The following PRIM2 variants were observed in gnomAD, a reference collection of about 807,000 sequenced individuals.
PRIM2 encodes DNA primase subunit 2, also known as DNA primase large subunit.
Under a neutral mutation model 67.3 loss-of-function variants are expected in PRIM2, and 39 were observed. The observed-to-expected ratio is 0.58, with a 90% confidence interval of 0.45 to 0.76. The LOEUF is 0.76. PRIM2 is among the 30% of genes least tolerant of loss of function. The pLI, the probability that PRIM2 is intolerant of heterozygous loss-of-function variation, is 0.00. For synonymous variants in PRIM2, 143 were observed against 198.7 expected (o/e 0.72, Z 2.36); for missense variants, 398 against 598.7 (o/e 0.66, Z 3.50).
chr6:57,556,874 T>G lies in PRIM2; in HGVS notation c.1020+19249T>G, dbSNP rs1263145910. On this transcript the variant is annotated intron_variant, in intron 10 of 13. Transcript: ENST00000615550. ...AATGGGAGAAAATATTTGCCAACTGTGCATCTGACAAAGGTCTAATATCCA... is the reference window on the plus strand; with the variant it reads ...AATGGGAGAAAATATTTGCCAACTGGGCATCTGACAAAGGTCTAATATCCA... Among the ~76,000 whole-genome samples, 22 of 151,320 alleles carry G rather than the reference T, an allele frequency of 1.5e-4. No homozygotes were observed. In the East Asian group the frequency reaches 3.9e-3, roughly 27 times the overall value.
chr6:57,477,441 C>T (rs1197650352), intron 7 of PRIM2, among the ~76,000 whole-genome samples: 5 of 152,128 alleles, frequency 3.3e-5, no homozygotes, highest in East Asian at 1.9e-4. Flanking sequence ...CGTCAAATAT[C>T]GTACAATATT....
chr6:57,268,902 C>G, the PRIM2 span, among the ~76,000 whole-genome samples: 1 of 150,198 alleles, frequency 6.7e-6, no homozygotes, highest in Admixed American at 6.7e-5. Context: ...TTTGTCCTTG[C>G]GATAGTTTAC....
upstream of PRIM2, among the ~76,000 whole-genome samples, chr6:57,314,510 C>G (rs1434840525): frequency 6.6e-6 from 1 of 152,166 alleles, no homozygotes; most frequent in South Asian, 2.1e-4. Context: ...AGCGAGACTT[C>G]GTCTCAAAAA....
At chr6:57,516,659 C>T (rs1488073212) in intron 8 of PRIM2, among the ~76,000 whole-genome samples, 1 of 152,104 alleles carries the variant, frequency 6.6e-6, no homozygotes, top group African/African-American at 2.4e-5. Context: ...ATTATAGTGG[C>T]TGAGATGTAC....
At chr6:57,318,231 C>T (rs1767539878) in intron 1 of PRIM2, among the ~76,000 whole-genome samples, 1 of 152,200 alleles carries the variant, frequency 6.6e-6, no homozygotes, top group Non-Finnish European at 1.5e-5. Context: ...CTCCCACCCC[C>T]ATTACAAAAT....
At chr6:57,624,293 A>G (rs1776908263) in intron 12 of PRIM2, among the ~76,000 whole-genome samples, 1 of 151,966 alleles carries the variant, frequency 6.6e-6, no homozygotes, top group African/African-American at 2.4e-5. Context: ...CTTGCTTTCT[A>G]AGTTTACTTA....
chr6:57,250,443 CATAGAT>C, the PRIM2 span, among the ~76,000 whole-genome samples: 2 of 151,940 alleles, frequency 1.3e-5, no homozygotes, highest in East Asian at 3.9e-4. Flanking sequence ...CAAATGCCTA[CATAGAT>C]ATAGATATAT....
chr6:57,399,356 C>T (rs531266618), intron 7 of PRIM2, among the ~76,000 whole-genome samples: 2 of 152,244 alleles, frequency 1.3e-5, no homozygotes, highest in East Asian at 1.9e-4. Flanking sequence ...CATGTCCCTA[C>T]GAAGGACATG....
the PRIM2 span, among the ~76,000 whole-genome samples, chr6:57,248,800 G>C: frequency 3.3e-4 from 50 of 152,342 alleles, no homozygotes; most frequent in African/African-American, 1.1e-3. Flanking sequence ...CAGCATGAAT[G>C]AGCCTTAGGC....
At chr6:57,232,420 C>T in the PRIM2 span, among the ~76,000 whole-genome samples, 14 of 152,060 alleles carry the variant, frequency 9.2e-5, no homozygotes, top group Non-Finnish European at 1.9e-4. Flanking sequence ...GGTGTGGTGG[C>T]GCGTGCCTGT....
chr6:57,246,847 G>A, the PRIM2 span, among the ~76,000 whole-genome samples: 1 of 144,386 alleles, frequency 6.9e-6, no homozygotes, highest in African/African-American at 2.6e-5. Context: ...GATCTCCCTG[G>A]ACTTAATTTC....
At chr6:57,568,088 TG>T (rs1775783986) in intron 10 of PRIM2, among the ~76,000 whole-genome samples, 1 of 152,034 alleles carries the variant, frequency 6.6e-6, no homozygotes, top group African/African-American at 2.4e-5. Context: ...TGAGTATGAC[TG>T]AAAAAAAAAT....
At chr6:57,638,715 C>T (rs1254407444) in intron 13 of PRIM2, among the ~76,000 whole-genome samples, 1 of 152,016 alleles carries the variant, frequency 6.6e-6, no homozygotes, top group Non-Finnish European at 1.5e-5. Context: ...AGCTAACTAT[C>T]CTAAATATAT....
chr6:57,457,025 A>T (rs1772814965), intron 7 of PRIM2, among the ~76,000 whole-genome samples: 1 of 152,188 alleles, frequency 6.6e-6, no homozygotes, highest in Non-Finnish European at 1.5e-5. Flanking sequence ...CCTCAGCTGC[A>T]GGTCTGTTGG....
the PRIM2 span, among the ~76,000 whole-genome samples, chr6:57,286,156 C>T: frequency 6.6e-6 from 1 of 152,114 alleles, no homozygotes; most frequent in Admixed American, 6.6e-5. Context: ...TAGGAAGAAT[C>T]AATATTGTGA....
chr6:57,327,145 A>G (rs9475842), intron 5 of PRIM2, among the ~76,000 whole-genome samples: 19,465 of 151,672 alleles, frequency 0.13, 1,366 homozygotes, highest in African/African-American at 0.18. Flanking sequence ...CAGGTGATAC[A>G]CCCGCCTCGG....
intron 11 of PRIM2, among the ~76,000 whole-genome samples, chr6:57,602,737 C>T (rs1450769116): frequency 0.35 from 52,550 of 151,956 alleles, 9,201 homozygotes; most frequent in East Asian, 0.46. Flanking sequence ...CTTTATGTTA[C>T]TATTTTGTTT....
At chr6:57,545,752 C>T (rs1396079239) in intron 10 of PRIM2, among the ~76,000 whole-genome samples, 12 of 152,142 alleles carry the variant, frequency 7.9e-5, no homozygotes, top group African/African-American at 2.2e-4. Context: ...ACCTTATTCA[C>T]GAGAGTCTTC....
intron 10 of PRIM2, among the ~76,000 whole-genome samples, chr6:57,543,578 C>G (rs1775222909): frequency 1.3e-5 from 2 of 152,148 alleles, no homozygotes; most frequent in South Asian, 4.1e-4. Flanking sequence ...TATAATATCT[C>G]CAGCAATTTT....
Sources: allele counts gnomAD v4.1 joint callset (sites outside exome capture counted in the v4.1 genomes callset), GRCh38; gene constraint gnomAD v4.1.1; transcripts MANE v1.5; gene names NCBI Gene and HGNC (gene_info 2026-07-23, HGNC 2026-07-21).